UBE2W: variants seen among roughly 807,000 people sequenced by gnomAD.
UBE2W encodes ubiquitin-conjugating enzyme E2 W.
Under a neutral mutation model 27.2 loss-of-function variants are expected in UBE2W, and 18 were observed. That is an observed-to-expected ratio of 0.66 (90% CI 0.46 to 0.98). The LOEUF is 0.98. UBE2W is among the 50% of genes least tolerant of loss of function. The pLI, the probability that UBE2W is intolerant of heterozygous loss-of-function variation, is 0.00. For synonymous variants in UBE2W, 53 were observed against 57.2 expected (o/e 0.93, Z 0.33); for missense variants, 90 against 180.2 (o/e 0.50, Z 2.87).
At chr8:73,868,206 A>T (rs1811858572) in intron 1 of UBE2W, among the ~76,000 whole-genome samples, 1 of 152,166 alleles carries the variant, frequency 6.6e-6, no homozygotes, top group Non-Finnish European at 1.5e-5. Flanking sequence ...TTTGGGGAAG[A>T]AGGGGGGGCT....
intron 2 of UBE2W, 25 bp downstream of exon 2, chr8:73,830,356 A>G (rs772694197): frequency 2.6e-6 from 4 of 1,509,472 alleles, no homozygotes; most frequent in Non-Finnish European, 3.7e-6. Context: ...TAAAACAAAG[A>G]GCCCTTTTAA....
rs1391665569 is a variant in UBE2W, at chr8:73,791,988, A to G, written c.*2114T>C. On this transcript the variant is annotated 3_prime_UTR_variant, in exon 6 of 6. Coordinates refer to ENST00000602593, the MANE Select transcript of UBE2W (RefSeq NM_018299.6). Reference sequence around the variant, plus strand: ...AGTATATTAATTCCTTTGGTGAATAAATGTCACCGGTCATTTCTTTATAAA... The same window carrying G: ...AGTATATTAATTCCTTTGGTGAATAGATGTCACCGGTCATTTCTTTATAAA... The G allele has an allele frequency of 2.0e-6, 2 of 985,156 alleles. No homozygotes were observed. Among genetic ancestry groups the G allele is most frequent in the Non-Finnish European group, 2.4e-6 (2 of 829,792 alleles). 61.0% of individuals were successfully genotyped at this position (985,156 alleles called of 1,614,324 possible). A position where few individuals can be genotyped will look rare whatever the true frequency, so the allele number is the denominator to read the frequency against.
At position 73,789,167 on chromosome 8, in the gene UBE2W, A is replaced by G; in HGVS notation, c.*4935T>C. 5 of 985,036 alleles carry G rather than the reference A, an allele frequency of 5.1e-6. No homozygotes were observed. Among genetic ancestry groups the G allele is most frequent in the Non-Finnish European group, 4.8e-6 (4 of 829,840 alleles). 61.0% of individuals were successfully genotyped at this position (985,036 alleles called of 1,614,324 possible). A position where few individuals can be genotyped will look rare whatever the true frequency, so the allele number is the denominator to read the frequency against. Reference sequence around the variant, plus strand: ...CCTCTAATGATAATGATGTACATAAACCTGTCTTAAATCGGCAAACAGACG... The same window carrying G: ...CCTCTAATGATAATGATGTACATAAGCCTGTCTTAAATCGGCAAACAGACG... On this transcript the variant is annotated 3_prime_UTR_variant, in exon 6 of 6. Coordinates refer to ENST00000602593, the MANE Select transcript of UBE2W (RefSeq NM_018299.6).
intron 3 of UBE2W, 115 bp from the exon 4 acceptor site, chr8:73,810,744 G>A (rs1809118206): frequency 2.6e-6 from 2 of 757,222 alleles, no homozygotes; most frequent in Admixed American, 7.6e-5. Context: ...ACCAAAATCA[G>A]TGCCAGGAAC....
At chr8:73,848,424 T>C (rs1303176211) in intron 1 of UBE2W, among the ~76,000 whole-genome samples, 1 of 152,174 alleles carries the variant, frequency 6.6e-6, no homozygotes, top group Non-Finnish European at 1.5e-5. Flanking sequence ...TGGTGGCTCA[T>C]GCCTGTAATC....
exon 5 of UBE2W, chr8:73,780,348 T>C: frequency 8.9e-6 from 3 of 338,736 alleles, no homozygotes; most frequent in African/African-American, 2.1e-5. Context: ...TTATATTGGA[T>C]TAAGGCCACA....
chr8:73,780,852 T>C (rs1807828821), intron 4 of UBE2W, among the ~76,000 whole-genome samples: 1 of 152,126 alleles, frequency 6.6e-6, no homozygotes, highest in African/African-American at 2.4e-5. Context: ...AATAATCAGA[T>C]TTATTCAAAA....
intron 1 of UBE2W, among the ~76,000 whole-genome samples, chr8:73,839,089 G>C (rs1810423213): frequency 6.6e-6 from 1 of 151,792 alleles, no homozygotes; most frequent in Non-Finnish European, 1.5e-5. Context: ...TCCTTGCTTT[G>C]TGCATTTTGT....
intron 1 of UBE2W, among the ~76,000 whole-genome samples, chr8:73,848,739 G>A (rs1810926417): frequency 6.6e-6 from 1 of 152,102 alleles, no homozygotes; most frequent in Admixed American, 6.6e-5. Context: ...TTTAGGAGAG[G>A]GAGGAAGTAG....
intron 1 of UBE2W, among the ~76,000 whole-genome samples, chr8:73,842,893 A>G (rs1810604413): frequency 6.6e-6 from 1 of 152,234 alleles, no homozygotes; most frequent in African/African-American, 2.4e-5. Context: ...ACAAACATTC[A>G]TAGCAGCATT....
intron 1 of UBE2W, among the ~76,000 whole-genome samples, chr8:73,865,177 C>A (rs1394219498): frequency 5.7e-5 from 2 of 35,136 alleles, no homozygotes; most frequent in East Asian, 7.6e-4. Flanking sequence ...AGTGTGCAAA[C>A]GTCAAAAAAA....
At chr8:73,828,127 T>C (rs1219678146) in intron 2 of UBE2W, among the ~76,000 whole-genome samples, 1 of 152,158 alleles carries the variant, frequency 6.6e-6, no homozygotes, top group Admixed American at 6.6e-5. Flanking sequence ...ACTACACGTG[T>C]TGTTCTCTCA....
chr8:73,787,283 T>A lies in UBE2W; in HGVS notation c.*6819A>T. On this transcript the variant is annotated 3_prime_UTR_variant, in exon 6 of 6. Transcript: ENST00000602593. Reference sequence around the variant, plus strand: ...ACTTGCTTCTTCAATTTAGCTTATGTTTAATTTTGTTACGTGTTATGTTAG... The same window carrying A: ...ACTTGCTTCTTCAATTTAGCTTATGATTAATTTTGTTACGTGTTATGTTAG... The A allele has an allele frequency of 1.0e-6, 1 of 985,466 alleles. No individual in the cohort carries two copies. The highest frequency in any genetic ancestry group is 1.2e-6 in the Non-Finnish European group (1 of 829,934). The allele number at this position is 985,466 out of a possible 1,614,324, so 61.0% of individuals were successfully genotyped here. A position where few individuals can be genotyped will look rare whatever the true frequency, so the allele number is the denominator to read the frequency against.
At chr8:73,803,907 C>T (rs528876558) in intron 5 of UBE2W, among the ~76,000 whole-genome samples, 1 of 152,054 alleles carries the variant, frequency 6.6e-6, no homozygotes, top group South Asian at 2.1e-4. Context: ...ACTGGGACTA[C>T]AGGCGCCTGC....
intron 2 of UBE2W, 78 bp downstream of exon 2, chr8:73,830,303 T>A: frequency 3.0e-6 from 3 of 1,013,928 alleles, no homozygotes; most frequent in Non-Finnish European, 4.5e-6. Context: ...AAAATAATTT[T>A]GTAGTTTTAA....
intron 1 of UBE2W, among the ~76,000 whole-genome samples, chr8:73,842,167 A>G (rs111300428): frequency 0.012 from 1,898 of 152,246 alleles, 34 homozygotes; most frequent in African/African-American, 0.034. Flanking sequence ...AAAATCTAGA[A>G]ATATATATCC....
intron 1 of UBE2W, among the ~76,000 whole-genome samples, chr8:73,866,283 AAAAAAAAATATAT>A (rs1418213807): frequency 8.9e-6 from 1 of 112,424 alleles, no homozygotes; most frequent in African/African-American, 3.6e-5. Context: ...AAAAAAAAAA[AAAAAAAAATATAT>A]ATATATATAT....
At chr8:73,817,736 C>G (rs1170104439) in intron 3 of UBE2W, among the ~76,000 whole-genome samples, 1 of 152,188 alleles carries the variant, frequency 6.6e-6, no homozygotes, top group Non-Finnish European at 1.5e-5. Context: ...TGGTCTCAAA[C>G]TCCTGACCTC....
intron 3 of UBE2W, 68 bp from the exon 4 acceptor site, chr8:73,810,697 C>A: frequency 1.6e-6 from 2 of 1,265,428 alleles, no homozygotes; most frequent in African/African-American, 3.1e-5. Context: ...ATATTCTCCA[C>A]ATATAACAAA....
Sources: allele counts gnomAD v4.1 joint callset (sites outside exome capture counted in the v4.1 genomes callset), GRCh38; gene constraint gnomAD v4.1.1; transcripts MANE v1.5; gene names NCBI Gene and HGNC (gene_info 2026-07-23, HGNC 2026-07-21).